Variants in PPP1R9A observed in about 807,000 individuals in gnomAD.
PPP1R9A encodes neurabin-1.
PPP1R9A carries 59 observed loss-of-function variants against 141.9 expected under a neutral mutation model. The observed-to-expected ratio is 0.42, with a 90% CI of 0.34 to 0.52. The LOEUF is 0.52. PPP1R9A is among the 20% of genes least tolerant of loss of function. The pLI, the probability that PPP1R9A is intolerant of heterozygous loss-of-function variation, is 0.10. For missense variants in PPP1R9A, 1,444 were observed against 1,611.9 expected, an observed-to-expected ratio of 0.90 and a Z score of 1.78; for synonymous variants, 500 against 569.7, an observed-to-expected ratio of 0.88 and a Z score of 1.74.
At chr7:95,127,700 G>A (rs189027262) in intron 4 of PPP1R9A, among the ~76,000 whole-genome samples, 4 of 151,792 alleles carry the variant, frequency 2.6e-5, no homozygotes, top group African/African-American at 7.2e-5. Context: ...TCCCAGTTTC[G>A]CTTGTTGCCA....
chr7:95,236,168 A>C, intron 8 of PPP1R9A, among the ~76,000 whole-genome samples: 1 of 152,220 alleles, frequency 6.6e-6, no homozygotes, highest in Non-Finnish European at 1.5e-5. Context: ...TAACTGCCAC[A>C]AAGATTATAT....
At chr7:95,085,825 A>G (rs962990643) in intron 2 of PPP1R9A, among the ~76,000 whole-genome samples, 8 of 152,016 alleles carry the variant, frequency 5.3e-5, no homozygotes, top group South Asian at 2.1e-4. Context: ...TTTTAATACT[A>G]TCATAATGGT....
At chr7:95,213,084 C>T (rs1208686355) in intron 7 of PPP1R9A, among the ~76,000 whole-genome samples, 2 of 151,824 alleles carry the variant, frequency 1.3e-5, no homozygotes, top group African/African-American at 4.8e-5. Context: ...TGAGGGTGGA[C>T]GTTGTTTGGA....
chr7:95,273,961 A>C lies in PPP1R9A; in HGVS notation c.3187A>C (p.Ile1063Leu), dbSNP rs774035026. The C allele has an allele frequency of 1.3e-6, 2 of 1,505,016 alleles. No homozygotes were observed. 93.2% of individuals were successfully genotyped at this position (1,505,016 alleles called of 1,614,324 possible). ...TTCATTGGCGGTGCAAGGAGGAAAA[A>C]TTAAGCGGAAGTTTGTGGATCTGGG... ...SSSLAVQGGK[I>L]KRKFVDLGAP... The change falls in exon 15 of 20, where the codon ATT (isoleucine) becomes CTT (leucine). Residue 1063 changes from isoleucine (I) to leucine (L), a missense_variant. Physicochemically the swap from Ile to Leu is conservative, Grantham distance 5. This residue lies in a region of PPP1R9A where 459 missense variants were observed against 513.8 expected (regional missense o/e 0.89). Coordinates refer to ENST00000433360, the MANE Select transcript of PPP1R9A (RefSeq NM_001166160.2).
At chr7:95,155,697 AT>A (rs1829501348) in intron 4 of PPP1R9A, 1 of 152,198 alleles carries the variant, frequency 6.6e-6, no homozygotes, top group South Asian at 2.1e-4. Context: ...TATATCAAAT[AT>A]TTTATTCCAC....
chr7:95,021,246 T>G (rs565865851), intron 2 of PPP1R9A, among the ~76,000 whole-genome samples: 1 of 152,174 alleles, frequency 6.6e-6, no homozygotes, highest in Non-Finnish European at 1.5e-5. Flanking sequence ...CATTTTTTCA[T>G]GTTTGTTGGC....
At chr7:95,079,434 G>C in intron 2 of PPP1R9A, among the ~76,000 whole-genome samples, 1 of 152,030 alleles carries the variant, frequency 6.6e-6, no homozygotes, top group Non-Finnish European at 1.5e-5. Flanking sequence ...CTCTGAAATT[G>C]TGGCAATAAT....
Position 95,026,339 on chromosome 7 carries a change from C to T in PPP1R9A, c.1396-84920C>T, listed in dbSNP as rs572147052. Reference sequence around the variant, plus strand: ...TCCTTCTAACAGTTAGGCCTCTCTACTGCAGGTCTGCTGGAGTTTGCTGGA... The same window carrying T: ...TCCTTCTAACAGTTAGGCCTCTCTATTGCAGGTCTGCTGGAGTTTGCTGGA... On this transcript the variant is annotated intron_variant, in intron 2 of 19. Coordinates refer to ENST00000433360, the MANE Select transcript of PPP1R9A (RefSeq NM_001166160.2). 8.6e-5 allele frequency among the ~76,000 whole-genome samples: 13 copies of T among 151,700 alleles called. No homozygotes were observed. In the South Asian group the frequency reaches 1.3e-3, roughly 15 times the overall value.
rs543824669 is a variant in PPP1R9A at position 95,023,312 on chromosome 7, A to T, written c.1396-87947A>T. 2.6e-4 allele frequency among the ~76,000 whole-genome samples: 39 copies of T among 152,050 alleles called. No homozygotes were observed. In the East Asian group the frequency reaches 4.4e-3, roughly 17 times the overall value. On this transcript the variant is annotated intron_variant, in intron 2 of 19. Coordinates refer to ENST00000433360, the MANE Select transcript of PPP1R9A (RefSeq NM_001166160.2). The stretch of plus-strand genomic sequence containing the variant: ...TGATGGTAGTTTGTATTTCTTTGGG[A>T]TCAGTGGTGATATCCCCTTTATCAT...
At chr7:95,117,129 A>C (rs1821662411) in intron 3 of PPP1R9A, among the ~76,000 whole-genome samples, 1 of 152,174 alleles carries the variant, frequency 6.6e-6, no homozygotes, top group Non-Finnish European at 1.5e-5. Flanking sequence ...GTTAGAAAAT[A>C]AGCTTTGGGC....
At chr7:95,173,686 TA>T (rs140467879) in intron 5 of PPP1R9A, among the ~76,000 whole-genome samples, 1,826 of 152,206 alleles carry the variant, frequency 0.012, 41 homozygotes, top group African/African-American at 0.041. Context: ...ATGGAGTTTT[TA>T]AATGTGCAAG....
chr7:95,023,538 C>T (rs1023017066), intron 2 of PPP1R9A, among the ~76,000 whole-genome samples: 5 of 150,908 alleles, frequency 3.3e-5, no homozygotes, highest in Non-Finnish European at 4.4e-5. Flanking sequence ...ATTTATTTGC[C>T]CGTTGCTTTT....
intron 2 of PPP1R9A, among the ~76,000 whole-genome samples, chr7:95,075,061 A>G (rs910283344): frequency 2.6e-5 from 4 of 152,076 alleles, no homozygotes; most frequent in African/African-American, 9.7e-5. Context: ...ATTGCTTTTG[A>G]AAGAACACTT....
At chr7:94,960,394 A>T (rs1326723642) in intron 2 of PPP1R9A, among the ~76,000 whole-genome samples, 4 of 151,608 alleles carry the variant, frequency 2.6e-5, no homozygotes, top group Non-Finnish European at 5.9e-5. Flanking sequence ...GGGAGGGGGA[A>T]ATAAGAGTTC....
intron 5 of PPP1R9A, among the ~76,000 whole-genome samples, chr7:95,192,768 G>A (rs1277105796): frequency 6.6e-6 from 1 of 151,972 alleles, no homozygotes; most frequent in Non-Finnish European, 1.5e-5. Context: ...CTCCTAAGTT[G>A]TACTATCATA....
chr7:95,142,608 A>T (rs1454020038), intron 4 of PPP1R9A, among the ~76,000 whole-genome samples: 2 of 152,042 alleles, frequency 1.3e-5, no homozygotes, highest in African/African-American at 2.4e-5. Flanking sequence ...ATTTTTTGAA[A>T]AGACTAGTCT....
chr7:94,999,844 C>T (rs557982416), intron 2 of PPP1R9A, among the ~76,000 whole-genome samples: 222 of 151,400 alleles, frequency 1.5e-3, no homozygotes, highest in Non-Finnish European at 2.5e-3. Context: ...CTCTGTTGCC[C>T]AGGCTGGAGT....
chr7:95,277,595 TA>T (rs1038585388), intron 16 of PPP1R9A, among the ~76,000 whole-genome samples: 11 of 149,760 alleles, frequency 7.3e-5, no homozygotes, highest in Middle Eastern at 3.4e-3. Context: ...ATGTCCAGCT[TA>T]AAAAAAAAAT....
intron 2 of PPP1R9A, among the ~76,000 whole-genome samples, chr7:95,042,330 C>T (rs1320700113): frequency 1.3e-5 from 2 of 152,098 alleles, no homozygotes; most frequent in Admixed American, 1.3e-4. Flanking sequence ...ACCTAAAATT[C>T]CTACTTATGC....
Sources: gnomAD v4.1 joint callset for allele counts (sites outside exome capture counted in the v4.1 genomes callset) on GRCh38, gnomAD v4.1.1 for gene constraint, gnomAD v4.1.1 regional missense constraint, MANE v1.5 for transcripts, NCBI Gene and HGNC (gene_info 2026-07-23, HGNC 2026-07-21) for gene names.